Variants in PCDH15 observed in about 807,000 individuals in gnomAD.
PCDH15 encodes protocadherin-15.
In PCDH15, 129 loss-of-function variants were observed where a neutral mutation model predicts 178.5. That is an observed-to-expected ratio of 0.72 (90% CI 0.63 to 0.84). PCDH15 has a LOEUF of 0.84. Ranked by LOEUF, PCDH15 falls within the 40% of genes least tolerant of loss-of-function variation. PCDH15 has a pLI of 0.00. For synonymous variants in PCDH15, 800 were observed against 732.0 expected (o/e 1.09, Z -1.50); for missense variants, 2,230 against 2,099.9 (o/e 1.06, Z -1.21).
rs117780726 is a variant in PCDH15, at chr10:55,197,786, C to G, written c.-155-31135G>C. ...TGCTTTTAAGTGGTATTACAGTGAG[C>G]TAGAAGTTATAATACATTCCCATTA... On this transcript the variant is annotated intron_variant, in intron 1 of 5. Transcript: ENST00000458638. Among the ~76,000 whole-genome samples the G allele has an allele frequency of 1.3e-3, 197 of 152,100 alleles. 1 individual carries two copies. The highest frequency in any genetic ancestry group is 2.1e-3 in the Non-Finnish European group (141 of 67,982).
intron 2 of PCDH15, among the ~76,000 whole-genome samples, chr10:55,012,583 C>T (rs2131944627): frequency 6.6e-6 from 1 of 152,180 alleles, no homozygotes; most frequent in South Asian, 2.1e-4. Flanking sequence ...TTCTGTATTT[C>T]TAAATTCAAT....
At position 55,522,571 on chromosome 10, in the gene PCDH15, CTTCT is replaced by C. The variant is rs1177591802; in HGVS notation, c.-156+105050_-156+105053del. 5.3e-5 allele frequency among the ~76,000 whole-genome samples: 8 copies of C among 151,680 alleles called. No homozygotes were observed. The East Asian group carries it at 1.2e-3, about 22-fold the overall frequency. ...GGCCTCTTTATCATTATATAATGAT[CTTCT>C]TTGTCTCTTGTGACAGATTTGACTA... is the stretch of plus-strand genomic sequence containing the variant. On this transcript the variant is annotated intron_variant, in intron 2 of 5. Coordinates refer to the PCDH15 transcript ENST00000613346.
At chr10:55,274,383 A>G (rs1842530183) in intron 1 of PCDH15, among the ~76,000 whole-genome samples, 1 of 152,024 alleles carries the variant, frequency 6.6e-6, no homozygotes, top group Non-Finnish European at 1.5e-5. Flanking sequence ...CTACACATTT[A>G]ACTGAAGAGG....
intron 18 of PCDH15, among the ~76,000 whole-genome samples, chr10:54,064,939 T>A (rs560579141): frequency 6.6e-6 from 1 of 152,112 alleles, no homozygotes; most frequent in East Asian, 1.9e-4. Context: ...GGGGGTTAGG[T>A]TCCTGCCTGC....
At chr10:55,067,673 T>A (rs1293888998) in intron 2 of PCDH15, among the ~76,000 whole-genome samples, 1 of 151,838 alleles carries the variant, frequency 6.6e-6, no homozygotes, top group East Asian at 1.9e-4. Context: ...CATGCTGCTT[T>A]CTATGGTGGT....
At chr10:54,900,968 G>T (rs1426277126) in intron 2 of PCDH15, among the ~76,000 whole-genome samples, 1 of 152,112 alleles carries the variant, frequency 6.6e-6, no homozygotes, top group Non-Finnish European at 1.5e-5. Flanking sequence ...CACATTTAGG[G>T]TATCATTTGT....
chr10:55,458,928 A>G (rs1839610761), intron 2 of PCDH15, among the ~76,000 whole-genome samples: 2 of 152,060 alleles, frequency 1.3e-5, no homozygotes, highest in Admixed American at 1.3e-4. Context: ...AACTATAAGA[A>G]CATGCAATAG....
intron 2 of PCDH15, among the ~76,000 whole-genome samples, chr10:55,154,409 A>T (rs1838826797): frequency 6.6e-6 from 1 of 152,160 alleles, no homozygotes; most frequent in Non-Finnish European, 1.5e-5. Context: ...TACAAAGGAG[A>T]CTACTGGTAC....
At chr10:54,941,665 A>C (rs1254262284) in intron 2 of PCDH15, among the ~76,000 whole-genome samples, 1 of 152,040 alleles carries the variant, frequency 6.6e-6, no homozygotes, top group Non-Finnish European at 1.5e-5. Context: ...AGACCGTGTA[A>C]TTTTTTGTTA....
At chr10:54,853,549 C>A (rs945463963) in intron 3 of PCDH15, among the ~76,000 whole-genome samples, 5 of 150,138 alleles carry the variant, frequency 3.3e-5, no homozygotes, top group Admixed American at 1.3e-4. Context: ...TCTCATAAAT[C>A]TCACCAGCCC....
At chr10:54,262,113 C>T (rs571161858) in intron 8 of PCDH15, among the ~76,000 whole-genome samples, 358 of 152,200 alleles carry the variant, frequency 2.4e-3, no homozygotes, top group Non-Finnish European at 4.1e-3. Flanking sequence ...CCCCATAGAT[C>T]TTTGGACTGG....
chr10:54,571,532 G>A (rs2089842653), intron 2 of PCDH15, among the ~76,000 whole-genome samples: 1 of 152,044 alleles, frequency 6.6e-6, no homozygotes, highest in African/African-American at 2.4e-5. Flanking sequence ...AAAAGGCAAT[G>A]TACTAACCCA....
intron 18 of PCDH15, among the ~76,000 whole-genome samples, chr10:54,036,717 T>A (rs2093425601): frequency 6.6e-6 from 1 of 151,942 alleles, no homozygotes; most frequent in Non-Finnish European, 1.5e-5. Context: ...CTGCAGCTCA[T>A]GGATAAAGGA....
Position 55,538,603 on chromosome 10 carries a change from TTTCC to T in PCDH15, c.-156+89018_-156+89021del, listed in dbSNP as rs1483155143. Among the ~76,000 whole-genome samples the T allele has an allele frequency of 2.2e-3, 130 of 58,980 alleles. 7 individuals are homozygous for T. Among genetic ancestry groups the T allele is most frequent in the African/African-American group, 9.3e-3 (110 of 11,782 alleles). 38.7% of individuals were successfully genotyped at this position (58,980 alleles called of 152,430 possible). A position where few individuals can be genotyped will look rare whatever the true frequency, so the allele number is the denominator to read the frequency against. ...TTTCCTTCCTTCCTTCCTTCCTTCC[TTTCC>T]TTCCTTCCTTCCTCCTTTCCTTCCT... On this transcript the variant is annotated intron_variant, in intron 2 of 5. Transcript: ENST00000613346.
At chr10:54,224,365 AAC>A (rs2053203462) in intron 9 of PCDH15, among the ~76,000 whole-genome samples, 1 of 152,168 alleles carries the variant, frequency 6.6e-6, no homozygotes, top group Non-Finnish European at 1.5e-5. Context: ...GAAATGTAAA[AAC>A]ATTGTACGAG....
intron 3 of PCDH15, among the ~76,000 whole-genome samples, chr10:54,493,847 C>A (rs562573779): frequency 6.6e-6 from 1 of 152,142 alleles, no homozygotes; most frequent in South Asian, 2.1e-4. Context: ...AAATATCCAA[C>A]AATGATAGAC....
chr10:55,395,957 A>G (rs1211553516), intron 2 of PCDH15, among the ~76,000 whole-genome samples: 1 of 152,162 alleles, frequency 6.6e-6, no homozygotes, highest in African/African-American at 2.4e-5. Flanking sequence ...ATTCTACCCA[A>G]AAAATGTCAT....
intron 2 of PCDH15, among the ~76,000 whole-genome samples, chr10:55,587,749 GA>G (rs1482441343): frequency 6.6e-6 from 1 of 152,122 alleles, no homozygotes; most frequent in Non-Finnish European, 1.5e-5. Flanking sequence ...CTTGACAGTT[GA>G]AATTTTTTAC....
At chr10:55,541,769 A>C (rs113368868) in intron 2 of PCDH15, among the ~76,000 whole-genome samples, 4 of 151,898 alleles carry the variant, frequency 2.6e-5, no homozygotes, top group African/African-American at 9.7e-5. Context: ...TCAGTTAATT[A>C]CATTTTCATT....
Sources: allele counts gnomAD v4.1 joint callset (sites outside exome capture counted in the v4.1 genomes callset), GRCh38; gene constraint gnomAD v4.1.1; transcripts MANE v1.5; gene names NCBI Gene and HGNC (gene_info 2026-07-23, HGNC 2026-07-21).